The following ITSN1 variants were observed in gnomAD, a reference collection of about 807,000 sequenced individuals.
The protein encoded by ITSN1 is intersectin-1.
Under a neutral mutation model 239.8 loss-of-function variants are expected in ITSN1, and 58 were observed. The ratio of observed to expected loss-of-function variants is 0.24; its 90% CI spans 0.20 to 0.30. ITSN1 has a LOEUF of 0.30. Among genes scored for constraint, ITSN1 ranks in the 10% least tolerant of loss-of-function variants. The pLI, the probability that ITSN1 is intolerant of heterozygous loss-of-function variation, is 1.00. For synonymous variants in ITSN1, 780 were observed against 770.8 expected (o/e 1.01, Z -0.20); for missense variants, 1,558 against 2,103.3 (o/e 0.74, Z 5.07).
At chr21:33,717,312 T>C (rs991302803) in intron 1 of ITSN1, among the ~76,000 whole-genome samples, 1 of 151,988 alleles carries the variant, frequency 6.6e-6, no homozygotes, top group Admixed American at 6.6e-5. Flanking sequence ...TTCTGCCACC[T>C]CAGCCTCCTG....
Position 33,865,363 on chromosome 21 carries a change from G to A in ITSN1, c.4074+29G>A. The A allele has an allele frequency of 6.7e-7, 1 of 1,482,258 alleles. No individual in the cohort carries two copies. Among genetic ancestry groups the A allele is most frequent in the Non-Finnish European group, 9.0e-7 (1 of 1,107,858 alleles). 91.8% of individuals were successfully genotyped at this position (1,482,258 alleles called of 1,614,324 possible). A position where few individuals can be genotyped will look rare whatever the true frequency, so the allele number is the denominator to read the frequency against. ...AGGAGCCAGGCTGTGCAGAGACTGG[G>A]CCCCAGAGTGGCGATCTTTGGGCAG... On this transcript the variant is annotated intron_variant, in intron 32 of 39. Coordinates refer to ENST00000381318, the MANE Select transcript of ITSN1 (RefSeq NM_003024.3). This position sits in a 1 kb window ranked among gnomAD's most constrained non-coding sequence, Gnocchi z 4.4.
At chr21:33,725,120 ATTT>A (rs1393697813) in intron 4 of ITSN1, among the ~76,000 whole-genome samples, 1 of 118,740 alleles carries the variant, frequency 8.4e-6, no homozygotes, top group African/African-American at 3.4e-5. Flanking sequence ...AAAAAAAAAA[ATTT>A]TTTTTTTTTG....
At chr21:33,694,095 C>T (rs971917929) in intron 1 of ITSN1, among the ~76,000 whole-genome samples, 1 of 152,232 alleles carries the variant, frequency 6.6e-6, no homozygotes, top group African/African-American at 2.4e-5. Context: ...CTCACTGCAG[C>T]CTCCAATTCC....
At chr21:33,713,828 C>CTTTTTTTTTT (rs35226795) in intron 1 of ITSN1, among the ~76,000 whole-genome samples, 2 of 89,360 alleles carry the variant, frequency 2.2e-5, no homozygotes, top group African/African-American at 4.6e-5. Flanking sequence ...CCAGCCTCAT[C>CTTTTTTTTTT]TTTTTTTTTT....
At chr21:33,866,360 G>A (rs1981578633) in intron 32 of ITSN1, among the ~76,000 whole-genome samples, 1 of 152,230 alleles carries the variant, frequency 6.6e-6, no homozygotes, top group South Asian at 2.1e-4. Flanking sequence ...TGGGCGCCAT[G>A]GACCACCTAG....
At position 33,774,729 on chromosome 21, in the gene ITSN1, G is replaced by A. The variant is rs1482499220; in HGVS notation, c.1306G>A (p.Ala436Thr). 2 of 1,611,352 alleles carry A rather than the reference G, an allele frequency of 1.2e-6. No homozygotes were observed. Among genetic ancestry groups the A allele is most frequent in the Admixed American group, 1.7e-5 (1 of 59,142 alleles). The part of the protein sequence containing the change: ...ERRKEIERRE[A>T]AKRELERQRQ... ...TAATTTGTCTCTGTAAATGTCACAG[G>A]CTGCAAAACGGGAACTTGAAAGGCA... Residue 436 changes from alanine to threonine, a missense_variant and splice_region_variant, in exon 13 of 40, where the codon GCT (alanine) becomes ACT (threonine). By Grantham distance (58) the Ala-to-Thr change is moderately conservative (BLOSUM62 0). Transcript: ENST00000381318.
chr21:33,899,619 T>C lies in ITSN1; in HGVS notation c.*11319T>C, dbSNP rs953758168. On this transcript the variant is annotated 3_prime_UTR_variant, in exon 40 of 40. Coordinates refer to ENST00000381318, the MANE Select transcript of ITSN1 (RefSeq NM_003024.3). Reference sequence around the variant, plus strand: ...GAAGCTGAGGTTTGTTTTTGCTGTTTGAGTGTTCCTTTGGCAACTTATTAT... The same window carrying C: ...GAAGCTGAGGTTTGTTTTTGCTGTTCGAGTGTTCCTTTGGCAACTTATTAT... The C allele has an allele frequency of 6.6e-6, 1 of 152,254 alleles. No homozygotes were observed. The highest frequency in any genetic ancestry group is 2.4e-5 in the African/African-American group (1 of 41,464). 9.4% of individuals were successfully genotyped at this position (152,254 alleles called of 1,614,324 possible).
At chr21:33,842,698 G>A (rs570832868) in intron 29 of ITSN1, among the ~76,000 whole-genome samples, 36 of 152,300 alleles carry the variant, frequency 2.4e-4, no homozygotes, top group Admixed American at 9.2e-4. Context: ...TGCTTGGCAC[G>A]TCGCTTCTGA....
At chr21:33,740,833 G>A (rs1269359639) in intron 5 of ITSN1, among the ~76,000 whole-genome samples, 1 of 152,154 alleles carries the variant, frequency 6.6e-6, no homozygotes, top group Non-Finnish European at 1.5e-5. Flanking sequence ...GGGAGGCCAA[G>A]GCTGGAGGAT....
At chr21:33,885,664 G>T in intron 38 of ITSN1, 142 bp downstream of exon 38, 1 of 644,578 alleles carries the variant, frequency 1.6e-6, no homozygotes, top group Non-Finnish European at 2.7e-6. Flanking sequence ...ACTAGCACTT[G>T]TTAAAAACCT....
chr21:33,697,637 A>G (rs2091855436), intron 1 of ITSN1, among the ~76,000 whole-genome samples: 1 of 152,192 alleles, frequency 6.6e-6, no homozygotes, highest in Non-Finnish European at 1.5e-5. Flanking sequence ...CATAACTTAT[A>G]TTTAAAATAA....
intron 1 of ITSN1, among the ~76,000 whole-genome samples, chr21:33,650,030 GAAAA>G (rs1165691619): frequency 1.1e-5 from 1 of 89,982 alleles, no homozygotes; most frequent in Non-Finnish European, 2.4e-5. Context: ...CTCTGTCTCA[GAAAA>G]AAAAAAAAAA....
chr21:33,767,308 G>A (rs985407029), intron 10 of ITSN1, among the ~76,000 whole-genome samples: 1 of 152,166 alleles, frequency 6.6e-6, no homozygotes, highest in African/African-American at 2.4e-5. Context: ...ATGGAGAGAT[G>A]GGAAAGGGAA....
chr21:33,814,110 C>CT lies in ITSN1; in HGVS notation c.2727+39dup, dbSNP rs113785387. The CT allele has an allele frequency of 1.3e-3, 2,117 of 1,588,070 alleles. 23 individuals are homozygous for CT. In the African/African-American group the frequency reaches 0.025, roughly 19 times the overall value. On this transcript the variant is annotated intron_variant, in intron 22 of 39. Transcript: ENST00000381318. ...AGTGAGAGTGTGAAGACTTAGCATGCTATCTAGTGCCAAAAACTTCAGCAA... is the reference window on the plus strand; with the variant it reads ...AGTGAGAGTGTGAAGACTTAGCATGCTTATCTAGTGCCAAAAACTTCAGCAA...
At chr21:33,680,193 T>G (rs2090858249) in intron 1 of ITSN1, among the ~76,000 whole-genome samples, 1 of 152,118 alleles carries the variant, frequency 6.6e-6, no homozygotes, top group Non-Finnish European at 1.5e-5. Context: ...GCAGTGGGGG[T>G]TTTATTCCTC....
chr21:33,824,072 T>C (rs1443582513), intron 25 of ITSN1, among the ~76,000 whole-genome samples: 1 of 152,152 alleles, frequency 6.6e-6, no homozygotes, highest in Non-Finnish European at 1.5e-5. Flanking sequence ...CCCCAGAATA[T>C]TGGATATTAT....
At chr21:33,650,030 G>GAAAAA (rs1165691619) in intron 1 of ITSN1, among the ~76,000 whole-genome samples, 1 of 89,974 alleles carries the variant, frequency 1.1e-5, no homozygotes, top group East Asian at 3.2e-4. Context: ...CTCTGTCTCA[G>GAAAAA]AAAAAAAAAA....
chr21:33,690,730 C>T (rs1482497727), intron 1 of ITSN1, among the ~76,000 whole-genome samples: 6 of 121,826 alleles, frequency 4.9e-5, no homozygotes, highest in Non-Finnish European at 8.3e-5. Flanking sequence ...CATTGCACTC[C>T]AGCCTGGGCA....
At position 33,888,602 on chromosome 21, in the gene ITSN1, C is replaced by T; in HGVS notation, c.*302C>T. On this transcript the variant is annotated 3_prime_UTR_variant, in exon 40 of 40. Transcript: ENST00000381318. ...ACAGGGTGCAGCTGGGAGTCTAGCC[C>T]CTTCCCGGGCTTGAGGGATGGGTCT... The T allele has an allele frequency of 4.0e-6, 1 of 252,854 alleles. No homozygotes were observed. Among genetic ancestry groups the T allele is most frequent in the Non-Finnish European group, 7.5e-6 (1 of 133,186 alleles). The allele number at this position is 252,854 out of a possible 1,614,324, so 15.7% of individuals were successfully genotyped here.
Sources: gnomAD v4.1 joint callset for allele counts (sites outside exome capture counted in the v4.1 genomes callset) on GRCh38, gnomAD v4.1.1 for gene constraint, Gnocchi (gnomAD v3.1) non-coding constraint, MANE v1.5 for transcripts, NCBI Gene and HGNC (gene_info 2026-07-23, HGNC 2026-07-21) for gene names.